Variants in LPP observed in about 807,000 individuals in gnomAD.
LPP encodes lipoma-preferred partner.
LPP carries 38 observed loss-of-function variants against 60.4 expected under a neutral mutation model. That is an observed-to-expected ratio of 0.63 (90% confidence interval 0.49 to 0.83). The LOEUF (loss-of-function observed/expected upper bound fraction) is 0.83. LPP is among the 40% of genes least tolerant of loss of function. The probability of loss-of-function intolerance (pLI) is 0.00; values close to 1 mark genes in which losing one functional copy is unlikely to be tolerated. For synonymous variants in LPP, 328 were observed against 290.8 expected (o/e 1.13, Z -1.30); for missense variants, 902 against 783.6 (o/e 1.15, Z -1.80).
chr3:188,760,409 G>GGTGTAT (rs1553836227), intron 9 of LPP, 127 bp downstream of exon 9: 202 of 602,704 alleles, frequency 3.4e-4, no homozygotes, highest in Non-Finnish European at 5.5e-4. Flanking sequence ...GTGTGTGTGG[G>GGTGTAT]GTGTGTGTGT....
intron 8 of LPP, among the ~76,000 whole-genome samples, chr3:188,754,388 T>C (rs1729459844): frequency 6.6e-6 from 1 of 152,196 alleles, no homozygotes; most frequent in Non-Finnish European, 1.5e-5. Context: ...AAACAACATG[T>C]ATTATGATGC....
At chr3:188,400,189 A>G (rs956507886) in intron 3 of LPP, among the ~76,000 whole-genome samples, 1 of 152,200 alleles carries the variant, frequency 6.6e-6, no homozygotes, top group African/African-American at 2.4e-5. Context: ...TGGAAATAAT[A>G]AGAGCAAAAA....
intron 9 of LPP, among the ~76,000 whole-genome samples, chr3:188,802,678 G>T (rs936552857): frequency 2.6e-5 from 4 of 152,026 alleles, no homozygotes; most frequent in African/African-American, 7.2e-5. Context: ...ATCTACTCAG[G>T]GGGGCTGAGG....
chr3:188,782,668 C>G (rs892149318), intron 9 of LPP, among the ~76,000 whole-genome samples: 2 of 151,844 alleles, frequency 1.3e-5, no homozygotes, highest in Non-Finnish European at 2.9e-5. Flanking sequence ...TTATACCCTC[C>G]TAGCAATATT....
chr3:188,720,874 C>T (rs997100079), intron 8 of LPP, among the ~76,000 whole-genome samples: 1 of 152,160 alleles, frequency 6.6e-6, no homozygotes, highest in South Asian at 2.1e-4. Context: ...CAAACAGAAA[C>T]AGTGTACACT....
intron 5 of LPP, 23 bp downstream of exon 5, chr3:188,484,727 T>C (rs1202926813): frequency 1.9e-6 from 3 of 1,547,988 alleles, no homozygotes; most frequent in East Asian, 4.5e-5. Context: ...GTTAAAGTCA[T>C]GTTAGGTAAG....
At chr3:188,741,202 G>T (rs1443366583) in intron 8 of LPP, among the ~76,000 whole-genome samples, 2 of 150,586 alleles carry the variant, frequency 1.3e-5, no homozygotes, top group Non-Finnish European at 3.0e-5. Flanking sequence ...ACCCTTCCTT[G>T]ATACACTTGG....
At position 188,592,133 on chromosome 3, in the gene LPP, A is replaced by G. The variant is rs191901694; in HGVS notation, c.430-17028A>G. 7.9e-3 allele frequency among the ~76,000 whole-genome samples: 1,204 copies of G among 152,320 alleles called. 22 individuals carry two copies. The highest frequency in any genetic ancestry group is 0.027 in the African/African-American group (1,141 of 41,564). Reference sequence around the variant, plus strand: ...CTTTTTGTTCTGGTTTTGATTTTGCAACTAAATATGTATGATAAATAGGAA... The same window carrying G: ...CTTTTTGTTCTGGTTTTGATTTTGCGACTAAATATGTATGATAAATAGGAA... On this transcript the variant is annotated intron_variant, in intron 6 of 11. Coordinates refer to ENST00000617246, the MANE Select transcript of LPP (RefSeq NM_001375462.1).
At chr3:188,504,797 A>G (rs1304626003) in intron 5 of LPP, among the ~76,000 whole-genome samples, 2 of 105,522 alleles carry the variant, frequency 1.9e-5, no homozygotes, top group East Asian at 5.9e-4. Context: ...TAAAGGAAGA[A>G]AAAAAAAAAA....
In LPP at chr3:188,291,645, C is replaced by CAAAA. The variant is rs34001206; in HGVS notation, c.-66-50002_-66-49999dup. Among the ~76,000 whole-genome samples, 82 of 96,676 alleles carry CAAAA rather than the reference C, an allele frequency of 8.5e-4. 1 individual carries two copies. The highest frequency in any genetic ancestry group is 1.2e-3 in the African/African-American group (28 of 22,576). 63.4% of individuals were successfully genotyped at this position (96,676 alleles called of 152,430 possible). ...TGGGCGACAGAGCGAGACTCTGTCT[C>CAAAA]AAAAAAAAAAAAAAAAAAAGAGAAA... On this transcript the variant is annotated intron_variant, in intron 2 of 11. Transcript: ENST00000617246.
intron 1 of LPP, among the ~76,000 whole-genome samples, chr3:188,203,544 TA>T (rs1732085061): frequency 9.9e-6 from 1 of 101,412 alleles, no homozygotes; most frequent in Non-Finnish European, 1.8e-5. Context: ...TTTAAATATA[TA>T]TATATTTTTA....
intron 8 of LPP, among the ~76,000 whole-genome samples, chr3:188,723,173 A>G (rs1314425256): frequency 6.6e-6 from 1 of 152,238 alleles, no homozygotes; most frequent in African/African-American, 2.4e-5. Context: ...AGGATGAATC[A>G]TAACCCACTT....
chr3:188,509,777 C>T (rs1814806467), intron 5 of LPP, among the ~76,000 whole-genome samples: 1 of 151,078 alleles, frequency 6.6e-6, no homozygotes, highest in Non-Finnish European at 1.5e-5. Flanking sequence ...ACTGCAAACT[C>T]CGCCTCCTGG....
rs1177111428 is a variant in LPP, at chr3:188,217,098, T to C, written c.-189-8307T>C. 6.6e-6 allele frequency among the ~76,000 whole-genome samples: 1 copy of C among 152,066 alleles called. No individual in the cohort carries two copies. The highest frequency in any genetic ancestry group is 1.5e-5 in the Non-Finnish European group (1 of 68,016). On this transcript the variant is annotated intron_variant, in intron 1 of 11. Transcript: ENST00000617246. This position sits in a 1 kb window ranked among gnomAD's most constrained non-coding sequence, Gnocchi z 4.0. ...GCTGCAGGTGTGTGAAGGAGGCAGATAAAGGAACACTTAAACAAGAGGGAC... is the reference window on the plus strand; with the variant it reads ...GCTGCAGGTGTGTGAAGGAGGCAGACAAAGGAACACTTAAACAAGAGGGAC...
chr3:188,654,435 C>G (rs576460981), intron 7 of LPP, among the ~76,000 whole-genome samples: 4 of 152,090 alleles, frequency 2.6e-5, no homozygotes, highest in Non-Finnish European at 5.9e-5. Flanking sequence ...GTGCATCATA[C>G]GAATTTAGCG....
intron 7 of LPP, among the ~76,000 whole-genome samples, chr3:188,616,001 G>T (rs565833115): frequency 3.3e-5 from 5 of 152,082 alleles, no homozygotes; most frequent in African/African-American, 9.6e-5. Flanking sequence ...GTGTCAGATG[G>T]GTAGATTGCA....
intron 4 of LPP, among the ~76,000 whole-genome samples, chr3:188,459,562 A>G (rs762909217): frequency 9.9e-5 from 15 of 152,176 alleles, no homozygotes; most frequent in African/African-American, 3.6e-4. Context: ...TTCAAAGTAC[A>G]TATTTCCTTT....
chr3:188,727,804 A>C (rs1433065262), intron 8 of LPP, among the ~76,000 whole-genome samples: 1 of 152,206 alleles, frequency 6.6e-6, no homozygotes, highest in South Asian at 2.1e-4. Flanking sequence ...TAGGCAGTTC[A>C]GTACCTTGTC....
chr3:188,565,822 CAT>C (rs759006964), intron 6 of LPP, among the ~76,000 whole-genome samples: 3 of 151,914 alleles, frequency 2.0e-5, no homozygotes, highest in Non-Finnish European at 4.4e-5. Context: ...TTTTTATAAA[CAT>C]GTACTACTGG....
Sources: gnomAD v4.1 joint callset for allele counts (sites outside exome capture counted in the v4.1 genomes callset) on GRCh38, gnomAD v4.1.1 for gene constraint, Gnocchi (gnomAD v3.1) non-coding constraint, MANE v1.5 for transcripts, NCBI Gene and HGNC (gene_info 2026-07-23, HGNC 2026-07-21) for gene names.